Variants in IKZF3 observed in about 807,000 individuals in gnomAD.
IKZF3 encodes zinc finger protein Aiolos.
In IKZF3, 10 loss-of-function variants were observed where a neutral mutation model predicts 49.0. The observed-to-expected ratio is 0.20, with a 90% CI of 0.13 to 0.35. IKZF3 has a LOEUF of 0.35. Among genes scored for constraint, IKZF3 ranks in the 10% least tolerant of loss-of-function variants. The pLI, the probability that IKZF3 is intolerant of heterozygous loss-of-function variation, is 1.00. For missense variants in IKZF3, 498 were observed against 664.8 expected (o/e 0.75, Z 2.76); for synonymous variants, 209 against 228.2 (o/e 0.92, Z 0.76).
intron 2 of IKZF3, among the ~76,000 whole-genome samples, chr17:39,830,735 T>C (rs1325803108): frequency 1.3e-5 from 2 of 152,124 alleles, no homozygotes; most frequent in Non-Finnish European, 2.9e-5. Flanking sequence ...CCCATTAATA[T>C]AAAAAATAGT....
rs1240106369 is a variant in IKZF3 at position 39,795,386 on chromosome 17, G to A, written c.164-2453C>T. ...GATGACCTCTCTGCATGGTTACTGG[G>A]GATTAGCAACTTATTTTTATTTTAT... On this transcript the variant is annotated intron_variant, in intron 3 of 7. Coordinates refer to ENST00000346872, the MANE Select transcript of IKZF3 (RefSeq NM_012481.5). Among the ~76,000 whole-genome samples, 4 of 152,080 alleles carry A rather than the reference G, an allele frequency of 2.6e-5. No homozygotes were observed. The East Asian group carries it at 7.7e-4, about 29-fold the overall frequency.
At chr17:39,806,726 G>C (rs929693041) in intron 3 of IKZF3, among the ~76,000 whole-genome samples, 3 of 152,160 alleles carry the variant, frequency 2.0e-5, no homozygotes, top group African/African-American at 7.2e-5. Context: ...TCACACCCTT[G>C]TGTAATATTC....
At chr17:39,802,401 G>GT (rs951827125) in intron 3 of IKZF3, among the ~76,000 whole-genome samples, 4 of 151,632 alleles carry the variant, frequency 2.6e-5, no homozygotes, top group African/African-American at 9.7e-5. Context: ...GGGCCCAGAA[G>GT]TTTGAGACCA....
rs1052706148 is a variant in IKZF3 at position 39,764,194 on chromosome 17, T to C, written c.*1596A>G. On this transcript the variant is annotated 3_prime_UTR_variant, in exon 8 of 8. Coordinates refer to ENST00000346872, the MANE Select transcript of IKZF3 (RefSeq NM_012481.5). The stretch of plus-strand genomic sequence containing the variant: ...AAGAGTTAAATAAGGCTGGGTGTGG[T>C]GGCTCACACCTGTAATCCCAGCACT... 4.0e-5 allele frequency: 6 copies of C among 151,150 alleles called. No homozygotes were observed. Among genetic ancestry groups the C allele is most frequent in the African/African-American group, 1.5e-4 (6 of 41,194 alleles). The allele number at this position is 151,150 out of a possible 1,614,324, so 9.4% of individuals were successfully genotyped here.
At chr17:39,827,902 G>T (rs2062000330) in intron 3 of IKZF3, among the ~76,000 whole-genome samples, 1 of 152,222 alleles carries the variant, frequency 6.6e-6, no homozygotes, top group Non-Finnish European at 1.5e-5. Flanking sequence ...AGGTCACATT[G>T]AAATGAGCTA....
chr17:39,840,272 C>T (rs141205652), intron 1 of IKZF3, among the ~76,000 whole-genome samples: 1 of 152,314 alleles, frequency 6.6e-6, no homozygotes, highest in Non-Finnish European at 1.5e-5. Context: ...TGCAGAATGT[C>T]TCCCTTCACT....
At chr17:39,847,314 C>A (rs542526640) in intron 1 of IKZF3, among the ~76,000 whole-genome samples, 2 of 152,166 alleles carry the variant, frequency 1.3e-5, no homozygotes, top group African/African-American at 2.4e-5. Context: ...ATATTAGAAT[C>A]GAAATTATTA....
At chr17:39,777,370 A>T (rs773463487) in intron 7 of IKZF3, among the ~76,000 whole-genome samples, 2 of 152,250 alleles carry the variant, frequency 1.3e-5, no homozygotes, top group Non-Finnish European at 2.9e-5. Flanking sequence ...AACATATGTC[A>T]TTCAGAGTAA....
At chr17:39,796,154 G>A (rs1243505260) in intron 3 of IKZF3, among the ~76,000 whole-genome samples, 1 of 152,140 alleles carries the variant, frequency 6.6e-6, no homozygotes, top group Admixed American at 6.5e-5. Flanking sequence ...AACCAGGAAA[G>A]GCATTAGCCT....
rs1250023478 is a variant in IKZF3, at chr17:39,793,021, T to C, written c.164-88A>G. 3.1e-6 allele frequency: 4 copies of C among 1,297,478 alleles called. No homozygotes were observed. The East Asian group carries it at 6.9e-5, about 22-fold the overall frequency. The allele number at this position is 1,297,478 out of a possible 1,614,324, so 80.4% of individuals were successfully genotyped here. Reference sequence around the variant, plus strand: ...AACAGCAGAGACCCACAACTGACAATTAAATACCAATCGAAGCTAACAAAA... The same window carrying C: ...AACAGCAGAGACCCACAACTGACAACTAAATACCAATCGAAGCTAACAAAA... On this transcript the variant is annotated intron_variant, in intron 3 of 7. Coordinates refer to ENST00000346872, the MANE Select transcript of IKZF3 (RefSeq NM_012481.5).
chr17:39,766,710 A>T (rs938905778), intron 7 of IKZF3, among the ~76,000 whole-genome samples: 6 of 152,062 alleles, frequency 3.9e-5, no homozygotes, highest in Non-Finnish European at 7.3e-5. Flanking sequence ...GGCAGAAGAG[A>T]GGGGCAGAGA....
At chr17:39,836,377 G>A (rs1320610979) in intron 1 of IKZF3, among the ~76,000 whole-genome samples, 1 of 152,208 alleles carries the variant, frequency 6.6e-6, no homozygotes, top group Non-Finnish European at 1.5e-5. Context: ...GGGGCCAGAG[G>A]TGGACACCCT....
chr17:39,799,672 C>T (rs2061267935), intron 3 of IKZF3, among the ~76,000 whole-genome samples: 1 of 152,186 alleles, frequency 6.6e-6, no homozygotes, highest in South Asian at 2.1e-4. Flanking sequence ...ACATTAAAGT[C>T]TGAGAAGCAC....
chr17:39,773,979 C>T (rs965764548), intron 7 of IKZF3, among the ~76,000 whole-genome samples: 1 of 151,388 alleles, frequency 6.6e-6, no homozygotes, highest in African/African-American at 2.4e-5. Flanking sequence ...CAAAGACATA[C>T]AAAATTTCTT....
At chr17:39,768,104 A>T (rs1453746417) in intron 7 of IKZF3, among the ~76,000 whole-genome samples, 1 of 152,170 alleles carries the variant, frequency 6.6e-6, no homozygotes, top group Non-Finnish European at 1.5e-5. Context: ...CTTTGCTTTT[A>T]TTCTAAATGC....
intron 1 of IKZF3, among the ~76,000 whole-genome samples, chr17:39,853,386 C>G (rs2062939529): frequency 6.6e-6 from 1 of 152,188 alleles, no homozygotes; most frequent in South Asian, 2.1e-4. Flanking sequence ...CGTTCTTCAA[C>G]TATCTTTTAA....
chr17:39,847,224 T>C (rs1376162604), intron 1 of IKZF3, among the ~76,000 whole-genome samples: 4 of 152,148 alleles, frequency 2.6e-5, no homozygotes, highest in Admixed American at 6.6e-5. Flanking sequence ...CACCATCATA[T>C]ATAATCATTC....
At chr17:39,778,796 C>T (rs188058196) in intron 6 of IKZF3, among the ~76,000 whole-genome samples, 53 of 152,248 alleles carry the variant, frequency 3.5e-4, no homozygotes, top group African/African-American at 1.3e-3. Flanking sequence ...GGCAAAATTC[C>T]GTCTCAAAAA....
At chr17:39,779,996 T>C (rs13380871) in intron 6 of IKZF3, among the ~76,000 whole-genome samples, 14,095 of 152,046 alleles carry the variant, frequency 0.093, 1,342 homozygotes, top group African/African-American at 0.25. Context: ...GGCCAGGAGT[T>C]GAGACCAACC....
Sources: gnomAD v4.1 joint callset for allele counts (sites outside exome capture counted in the v4.1 genomes callset) on GRCh38, gnomAD v4.1.1 for gene constraint, MANE v1.5 for transcripts, NCBI Gene and HGNC (gene_info 2026-07-23, HGNC 2026-07-21) for gene names.